Variants in NHSL1 observed in about 807,000 individuals in gnomAD.
NHSL1 encodes NHS like 1.
NHSL1 carries 48 observed loss-of-function variants against 95.0 expected under a neutral mutation model. That is an observed-to-expected ratio of 0.51 (90% CI 0.40 to 0.64). The LOEUF (loss-of-function observed/expected upper bound fraction) is 0.64. Ranked by LOEUF, NHSL1 falls within the 30% of genes least tolerant of loss-of-function variation. The pLI is 0.00. For missense variants in NHSL1, 1,971 were observed against 2,077.7 expected (o/e 0.95, Z 1.00); for synonymous variants, 783 against 833.9 (o/e 0.94, Z 1.05).
intron 1 of NHSL1, among the ~76,000 whole-genome samples, chr6:138,652,218 G>A (rs1175774887): frequency 6.6e-6 from 1 of 152,048 alleles, no homozygotes; most frequent in Non-Finnish European, 1.5e-5. Flanking sequence ...GAGGTGGGCA[G>A]ATCACCTGAG....
At position 138,673,052 on chromosome 6, in the gene NHSL1, T is replaced by C. The variant is rs145554903; in HGVS notation, c.96+19424A>G. Among the ~76,000 whole-genome samples, 353 of 148,056 alleles carry C rather than the reference T, an allele frequency of 2.4e-3. 2 individuals are homozygous for C. The highest frequency in any genetic ancestry group is 8.8e-3 in the African/African-American group (331 of 37,704). On this transcript the variant is annotated intron_variant, in intron 1 of 3. Coordinates refer to the NHSL1 transcript ENST00000491526. ...ATAGGTAGATAGATAGATAGATAGATAGATAGATAGATAATGTTTCTAGAT... is the reference window on the plus strand; with the variant it reads ...ATAGGTAGATAGATAGATAGATAGACAGATAGATAGATAATGTTTCTAGAT...
chr6:138,656,446 T>A (rs1274400078), intron 1 of NHSL1, among the ~76,000 whole-genome samples: 1 of 152,216 alleles, frequency 6.6e-6, no homozygotes, highest in Non-Finnish European at 1.5e-5. Context: ...TGCATTTGTG[T>A]GATTTGCCCA....
intron 1 of NHSL1, among the ~76,000 whole-genome samples, chr6:138,624,437 G>C (rs1263887055): frequency 6.6e-6 from 1 of 152,110 alleles, no homozygotes; most frequent in South Asian, 2.1e-4. Context: ...GGGTCACTGA[G>C]GCTGGATATA....
intron 1 of NHSL1, among the ~76,000 whole-genome samples, chr6:138,578,615 T>C (rs1784005383): frequency 6.6e-6 from 1 of 152,154 alleles, no homozygotes; most frequent in Non-Finnish European, 1.5e-5. Context: ...AATCATGACT[T>C]CCTTTGTTCT....
chr6:138,670,156 C>A (rs890160709), intron 1 of NHSL1, among the ~76,000 whole-genome samples: 1 of 151,576 alleles, frequency 6.6e-6, no homozygotes, highest in African/African-American at 2.4e-5. Context: ...ATCAATCAAT[C>A]AATAAAGTTA....
At chr6:138,507,557 T>C (rs778722737) in intron 1 of NHSL1, among the ~76,000 whole-genome samples, 5 of 152,212 alleles carry the variant, frequency 3.3e-5, no homozygotes, top group African/African-American at 4.8e-5. Flanking sequence ...CTTACACTTA[T>C]GCTCTCAATT....
At chr6:138,429,690 A>C in intron 7 of NHSL1, 21 bp downstream of exon 7, 1 of 1,540,128 alleles carries the variant, frequency 6.5e-7, no homozygotes. Context: ...GATTAAAGTC[A>C]GAGGAAGGAG....
intron 3 of NHSL1, 64 bp downstream of exon 3, chr6:138,473,242 C>A: frequency 1.5e-6 from 2 of 1,294,716 alleles, no homozygotes; most frequent in East Asian, 2.9e-5. Context: ...CCAGTTTGTC[C>A]ACATATATCC....
chr6:138,662,037 G>A (rs1180732719), intron 1 of NHSL1, among the ~76,000 whole-genome samples: 2 of 151,914 alleles, frequency 1.3e-5, no homozygotes, highest in East Asian at 3.9e-4. Context: ...TTGTACCACT[G>A]CACTACAGCC....
intron 1 of NHSL1, among the ~76,000 whole-genome samples, chr6:138,624,723 G>A (rs796953253): frequency 2.0e-5 from 3 of 152,206 alleles, no homozygotes; most frequent in African/African-American, 4.8e-5. Flanking sequence ...ATCAAACCTC[G>A]TCTAACATGT....
chr6:138,554,533 T>C (rs1006283083), intron 1 of NHSL1, among the ~76,000 whole-genome samples: 1 of 152,232 alleles, frequency 6.6e-6, no homozygotes, highest in African/African-American at 2.4e-5. Context: ...AACTGGACTA[T>C]AATTACTTTT....
intron 3 of NHSL1, among the ~76,000 whole-genome samples, chr6:138,461,185 A>G (rs1777972481): frequency 6.6e-6 from 1 of 152,118 alleles, no homozygotes; most frequent in African/African-American, 2.4e-5. Flanking sequence ...AGAATCACAT[A>G]TTTGGATTTG....
intron 1 of NHSL1, among the ~76,000 whole-genome samples, chr6:138,624,258 T>G (rs995616275): frequency 1.3e-5 from 2 of 152,064 alleles, no homozygotes; most frequent in Non-Finnish European, 2.9e-5. Flanking sequence ...CCTAATTCAG[T>G]AGGTCTAGGG....
At chr6:138,659,721 G>GC (rs1785202242) in intron 1 of NHSL1, among the ~76,000 whole-genome samples, 1 of 128,666 alleles carries the variant, frequency 7.8e-6, no homozygotes, top group East Asian at 2.4e-4. Context: ...TTTTTTTTTT[G>GC]TTTTTTTTTT....
intron 7 of NHSL1, among the ~76,000 whole-genome samples, chr6:138,428,654 G>T (rs544567275): frequency 2.0e-5 from 3 of 152,334 alleles, no homozygotes; most frequent in Admixed American, 6.5e-5. Context: ...AGAGTTTCAG[G>T]TAGGTACAGC....
chr6:138,465,984 A>G (rs938414435), intron 3 of NHSL1, among the ~76,000 whole-genome samples: 19 of 148,542 alleles, frequency 1.3e-4, no homozygotes, highest in African/African-American at 4.4e-4. Flanking sequence ...TCGGACTTCC[A>G]AAGTGCTGGG....
At chr6:138,466,041 T>TG (rs71009586) in intron 3 of NHSL1, among the ~76,000 whole-genome samples, 6,743 of 125,456 alleles carry the variant, frequency 0.054, 402 homozygotes, top group African/African-American at 0.15. Flanking sequence ...CACTCCTTTT[T>TG]GGGGGGGGGG....
At chr6:138,463,284 G>T (rs956906908) in intron 3 of NHSL1, among the ~76,000 whole-genome samples, 1 of 152,032 alleles carries the variant, frequency 6.6e-6, no homozygotes, top group African/African-American at 2.4e-5. Flanking sequence ...TTACTTCCCT[G>T]CTCAACTCCT....
intron 5 of NHSL1, among the ~76,000 whole-genome samples, chr6:138,439,818 A>G (rs777718643): frequency 4.7e-4 from 72 of 151,890 alleles, no homozygotes; most frequent in Non-Finnish European, 7.1e-4. Context: ...CTCCAGCATT[A>G]GTGACGTTCC....
Sources: gnomAD v4.1 joint callset for allele counts (sites outside exome capture counted in the v4.1 genomes callset) on GRCh38, gnomAD v4.1.1 for gene constraint, MANE v1.5 for transcripts, NCBI Gene and HGNC (gene_info 2026-07-23, HGNC 2026-07-21) for gene names.